The following NVL variants were observed in gnomAD, a reference collection of about 807,000 sequenced individuals.
NVL encodes the protein nuclear valosin-containing protein-like.
Under a neutral mutation model 110.2 loss-of-function variants are expected in NVL, and 84 were observed. That is an observed-to-expected ratio of 0.76 (90% CI 0.64 to 0.91). NVL has a LOEUF of 0.91. Among genes scored for constraint, NVL ranks in the 40% least tolerant of loss-of-function variants. The pLI is 0.00. For synonymous variants in NVL, 354 were observed against 361.1 expected, an observed-to-expected ratio of 0.98 and a Z score of 0.22; for missense variants, 882 against 1,035.9, an observed-to-expected ratio of 0.85 and a Z score of 2.04.
intron 1 of NVL, among the ~76,000 whole-genome samples, chr1:224,328,314 G>A (rs1337105454): frequency 2.0e-5 from 3 of 152,062 alleles, no homozygotes; most frequent in Non-Finnish European, 4.4e-5. Context: ...GAGGTCAGGA[G>A]TTCGAGACTA....
At chr1:224,253,908 AC>A (rs1404395679) in intron 18 of NVL, among the ~76,000 whole-genome samples, 1 of 152,134 alleles carries the variant, frequency 6.6e-6, no homozygotes, top group Non-Finnish European at 1.5e-5. Flanking sequence ...TGTAGTGCTT[AC>A]TGTGGCTTTA....
intron 15 of NVL, among the ~76,000 whole-genome samples, chr1:224,281,608 G>A (rs972645433): frequency 6.6e-6 from 1 of 150,938 alleles, no homozygotes; most frequent in Non-Finnish European, 1.5e-5. Flanking sequence ...CCCTTTTTGT[G>A]GTCTTAATTC....
intron 5 of NVL, among the ~76,000 whole-genome samples, chr1:224,309,782 A>C (rs951072733): frequency 6.6e-6 from 1 of 152,194 alleles, no homozygotes; most frequent in Non-Finnish European, 1.5e-5. Flanking sequence ...TTATTCCAGC[A>C]CTTTGGGAGG....
intron 18 of NVL, among the ~76,000 whole-genome samples, chr1:224,251,648 A>G (rs907144893): frequency 2.6e-5 from 4 of 152,294 alleles, no homozygotes; most frequent in East Asian, 1.9e-4. Flanking sequence ...CTCAAAAACA[A>G]TAACAAAAAA....
rs764183356 is a variant in NVL at position 224,308,293 on chromosome 1, A to G, written c.343-30T>C. The G allele has an allele frequency of 4.5e-6, 7 of 1,572,228 alleles. No homozygotes were observed. The South Asian group carries it at 7.2e-5, about 16-fold the overall frequency. On this transcript the variant is annotated intron_variant, in intron 5 of 22. Coordinates refer to ENST00000281701, the MANE Select transcript of NVL (RefSeq NM_002533.4). Reference sequence around the variant, plus strand: ...CAGAAAGATAAAACAAAATTGTAGCATAAATTACTCAACAGGTACTCATAA... The same window carrying G: ...CAGAAAGATAAAACAAAATTGTAGCGTAAATTACTCAACAGGTACTCATAA...
chr1:224,299,724 G>A (rs1668213679), intron 10 of NVL, among the ~76,000 whole-genome samples: 1 of 152,182 alleles, frequency 6.6e-6, no homozygotes, highest in African/African-American at 2.4e-5. Flanking sequence ...TCTGCACTCT[G>A]CCCTTTCCAC....
chr1:224,267,223 C>G (rs1664579473), intron 18 of NVL, among the ~76,000 whole-genome samples: 1 of 152,108 alleles, frequency 6.6e-6, no homozygotes, highest in Non-Finnish European at 1.5e-5. Context: ...GAATGCTTAA[C>G]CTTGAAAACA....
At chr1:224,278,544 C>G (rs887231148) in intron 16 of NVL, among the ~76,000 whole-genome samples, 1 of 151,968 alleles carries the variant, frequency 6.6e-6, no homozygotes, top group African/African-American at 2.4e-5. Context: ...ATCATCTAAT[C>G]TTTCAGAGAC....
chr1:224,258,279 A>C (rs1180337494), intron 18 of NVL, among the ~76,000 whole-genome samples: 1 of 152,238 alleles, frequency 6.6e-6, no homozygotes, highest in African/African-American at 2.4e-5. Flanking sequence ...AAGCACAATA[A>C]AAGATGCTCA....
chr1:224,320,945 A>G (rs1226493914), intron 2 of NVL, among the ~76,000 whole-genome samples: 1 of 152,216 alleles, frequency 6.6e-6, no homozygotes, highest in Non-Finnish European at 1.5e-5. Context: ...GTACTAAATC[A>G]TGACCATTTA....
Position 224,306,668 on chromosome 1 carries a change from C to CA in NVL, c.615+1322dup, listed in dbSNP as rs1206721042. Reference sequence around the variant, plus strand: ...GCAACATGGCCAAACGCCATCTCTACAAAAAATACAAAACTTAGCCAGGTG... The same window carrying CA: ...GCAACATGGCCAAACGCCATCTCTACAAAAAAATACAAAACTTAGCCAGGTG... On this transcript the variant is annotated intron_variant, in intron 6 of 22. Coordinates refer to ENST00000281701, the MANE Select transcript of NVL (RefSeq NM_002533.4). Among the ~76,000 whole-genome samples, 3 of 152,168 alleles carry CA rather than the reference C, an allele frequency of 2.0e-5. No homozygotes were observed. In the East Asian group the frequency reaches 5.8e-4, roughly 29 times the overall value.
chr1:224,305,269 T>TGCAGATATGA, intron 6 of NVL, 103 bp from the exon 7 acceptor site: 1 of 1,173,354 alleles, frequency 8.5e-7, no homozygotes, highest in Non-Finnish European at 1.2e-6. Context: ...ATTCCTGCCC[T>TGCAGATATGA]AGCACTTTCA....
At chr1:224,234,430 T>C (rs1433241558) in intron 20 of NVL, among the ~76,000 whole-genome samples, 2 of 152,106 alleles carry the variant, frequency 1.3e-5, no homozygotes, top group Non-Finnish European at 2.9e-5. Context: ...ACTTATTATA[T>C]AATGTTGATA....
At position 224,330,034 on chromosome 1, in the gene NVL, G is replaced by C. The variant is rs141498708; in HGVS notation, c.57+37C>G. 6.3e-5 allele frequency: 101 copies of C among 1,608,800 alleles called. No individual in the cohort carries two copies. In the East Asian group the frequency reaches 2.2e-3, roughly 35 times the overall value. On this transcript the variant is annotated intron_variant, in intron 1 of 22. Coordinates refer to ENST00000281701, the MANE Select transcript of NVL (RefSeq NM_002533.4). ...GAGTGGCACCCTGGGGCAGCGATCGGGGCCCTTGGCGAGGCCAAGCGGTGC... is the reference window on the plus strand; with the variant it reads ...GAGTGGCACCCTGGGGCAGCGATCGCGGCCCTTGGCGAGGCCAAGCGGTGC...
intron 13 of NVL, among the ~76,000 whole-genome samples, chr1:224,288,688 T>C (rs1253457154): frequency 6.6e-6 from 1 of 152,198 alleles, no homozygotes; most frequent in African/African-American, 2.4e-5. Flanking sequence ...GTAGAGGCTG[T>C]ATGGGCTTGA....
At chr1:224,316,085 G>A (rs1488166553) in intron 4 of NVL, among the ~76,000 whole-genome samples, 2 of 152,010 alleles carry the variant, frequency 1.3e-5, no homozygotes, top group African/African-American at 4.8e-5. Flanking sequence ...TGGGAGAATC[G>A]CCTGAGCCCA....
chr1:224,297,318 T>C (rs924317150), intron 10 of NVL, among the ~76,000 whole-genome samples: 1 of 152,242 alleles, frequency 6.6e-6, no homozygotes, highest in African/African-American at 2.4e-5. Flanking sequence ...AAAGTTCTAA[T>C]ACATCAGTGT....
chr1:224,237,634 T>A lies in NVL; in HGVS notation c.2290-1052A>T, dbSNP rs1206801579. 6.6e-5 allele frequency among the ~76,000 whole-genome samples: 10 copies of A among 151,646 alleles called. No individual in the cohort carries two copies. The South Asian group carries it at 1.5e-3, about 22-fold the overall frequency. On this transcript the variant is annotated intron_variant, in intron 19 of 22. Coordinates refer to ENST00000281701, the MANE Select transcript of NVL (RefSeq NM_002533.4). The stretch of plus-strand genomic sequence containing the variant: ...GCTCTGTCGCCCAGGCAGGAGTGAG[T>A]GGAACAACCACAACAGACTTGACCT...
At chr1:224,284,991 G>A (rs1463572324) in intron 15 of NVL, among the ~76,000 whole-genome samples, 1 of 152,130 alleles carries the variant, frequency 6.6e-6, no homozygotes, top group African/African-American at 2.4e-5. Context: ...AAGTAGTGTT[G>A]TTTCAATATG....
Sources: allele counts gnomAD v4.1 joint callset (sites outside exome capture counted in the v4.1 genomes callset), GRCh38; gene constraint gnomAD v4.1.1; transcripts MANE v1.5; gene names NCBI Gene and HGNC (gene_info 2026-07-23, HGNC 2026-07-21).